ZBTB7C: variants seen among roughly 807,000 people sequenced by gnomAD.
ZBTB7C encodes zinc finger and BTB domain-containing protein 7C.
Under a neutral mutation model 25.7 loss-of-function variants are expected in ZBTB7C, and 8 were observed. The observed-to-expected ratio is 0.31, with a 90% CI of 0.18 to 0.56. The LOEUF is 0.56. Among genes scored for constraint, ZBTB7C ranks in the 20% least tolerant of loss-of-function variants. The probability of loss-of-function intolerance (pLI) is 0.91; values close to 1 mark genes in which losing one functional copy is unlikely to be tolerated. For synonymous variants in ZBTB7C, 394 were observed against 369.0 expected (o/e 1.07, Z -0.78); for missense variants, 824 against 855.2 (o/e 0.96, Z 0.46).
intron 2 of ZBTB7C, among the ~76,000 whole-genome samples, chr18:48,236,538 A>G (rs2043384524): frequency 6.6e-6 from 1 of 152,262 alleles, no homozygotes; most frequent in African/African-American, 2.4e-5. Flanking sequence ...GGAAGACTTC[A>G]TAGAAGAAAT....
intron 2 of ZBTB7C, among the ~76,000 whole-genome samples, chr18:48,291,086 G>T (rs10153403): frequency 1.3e-5 from 2 of 151,982 alleles, no homozygotes; most frequent in Admixed American, 6.6e-5. Flanking sequence ...TTCTGCTTTG[G>T]GGACATCATC....
At chr18:48,108,269 C>T (rs966001847) in intron 3 of ZBTB7C, among the ~76,000 whole-genome samples, 21 of 152,198 alleles carry the variant, frequency 1.4e-4, no homozygotes, top group African/African-American at 5.1e-4. Context: ...GCCCTCTCTT[C>T]TCTATACCAG....
At chr18:48,280,770 C>T (rs1033018833) in intron 2 of ZBTB7C, among the ~76,000 whole-genome samples, 1 of 152,052 alleles carries the variant, frequency 6.6e-6, no homozygotes, top group African/African-American at 2.4e-5. Flanking sequence ...CACTCAGTAG[C>T]CAACTGGTCC....
At chr18:48,221,754 C>T (rs2042965065) in intron 2 of ZBTB7C, among the ~76,000 whole-genome samples, 1 of 151,168 alleles carries the variant, frequency 6.6e-6, no homozygotes, top group Non-Finnish European at 1.5e-5. Context: ...ATATACTGTC[C>T]TTGTCTCCTC....
chr18:48,136,316 T>C (rs1598947618), intron 3 of ZBTB7C, among the ~76,000 whole-genome samples: 2 of 151,844 alleles, frequency 1.3e-5, no homozygotes, highest in African/African-American at 4.8e-5. Context: ...CGGGTGGGAG[T>C]GCTCCCCATC....
At chr18:48,267,641 A>G (rs1211635346) in intron 2 of ZBTB7C, among the ~76,000 whole-genome samples, 2 of 152,294 alleles carry the variant, frequency 1.3e-5, no homozygotes, top group South Asian at 4.1e-4. Flanking sequence ...ACATGTTGAT[A>G]TCCTAACTTC....
At chr18:48,306,777 G>A (rs150207710) in intron 2 of ZBTB7C, among the ~76,000 whole-genome samples, 52 of 152,262 alleles carry the variant, frequency 3.4e-4, no homozygotes, top group Admixed American at 9.2e-4. Context: ...TACCTTTTAC[G>A]TGGTGCTGAC....
At chr18:48,069,214 G>A (rs989147009) in intron 3 of ZBTB7C, among the ~76,000 whole-genome samples, 17 of 152,202 alleles carry the variant, frequency 1.1e-4, no homozygotes, top group African/African-American at 3.9e-4. Context: ...CCCTGTCCAG[G>A]TGTTCCTGTG....
At chr18:48,132,300 G>T (rs1211027775) in intron 3 of ZBTB7C, among the ~76,000 whole-genome samples, 1 of 152,208 alleles carries the variant, frequency 6.6e-6, no homozygotes, top group African/African-American at 2.4e-5. Context: ...TGTTAGGTTA[G>T]TTGAAAGACA....
chr18:48,376,882 G>A (rs2047531830), intron 1 of ZBTB7C, among the ~76,000 whole-genome samples: 1 of 152,224 alleles, frequency 6.6e-6, no homozygotes, highest in African/African-American at 2.4e-5. Flanking sequence ...AGGGCCTTCT[G>A]CCTCTGGTGC....
intron 2 of ZBTB7C, among the ~76,000 whole-genome samples, chr18:48,222,239 T>C (rs1281299031): frequency 1.3e-5 from 2 of 152,138 alleles, no homozygotes; most frequent in Non-Finnish European, 2.9e-5. Flanking sequence ...CTCTTGCCTC[T>C]AGGAAAGCAT....
intron 3 of ZBTB7C, among the ~76,000 whole-genome samples, chr18:48,176,511 T>C (rs896947684): frequency 6.6e-6 from 1 of 152,188 alleles, no homozygotes; most frequent in Admixed American, 6.5e-5. Context: ...GTTAAATGTA[T>C]TGGTCAACCA....
chr18:48,362,873 G>A (rs2047141405), intron 1 of ZBTB7C, among the ~76,000 whole-genome samples: 1 of 152,124 alleles, frequency 6.6e-6, no homozygotes, highest in Non-Finnish European at 1.5e-5. Flanking sequence ...TATTTACCAG[G>A]ACACAACTGA....
At chr18:48,060,230 G>A (rs1391509778) in intron 3 of ZBTB7C, among the ~76,000 whole-genome samples, 5 of 152,132 alleles carry the variant, frequency 3.3e-5, no homozygotes, top group South Asian at 4.2e-4. Context: ...GTGCCAGCAG[G>A]GGAAGCAGAG....
chr18:48,038,190 C>A (rs2036058399), intron 4 of ZBTB7C, among the ~76,000 whole-genome samples: 1 of 152,148 alleles, frequency 6.6e-6, no homozygotes, highest in South Asian at 2.1e-4. Flanking sequence ...GAGCAGGGCG[C>A]CCTGCTGTCA....
intron 3 of ZBTB7C, among the ~76,000 whole-genome samples, chr18:48,158,861 G>A (rs2040916134): frequency 1.3e-5 from 2 of 152,202 alleles, no homozygotes; most frequent in South Asian, 4.1e-4. Flanking sequence ...AATCTGGGGT[G>A]AGCATGAAGC....
chr18:48,313,373 C>T (rs2045868295), intron 2 of ZBTB7C, among the ~76,000 whole-genome samples: 1 of 152,130 alleles, frequency 6.6e-6, no homozygotes, highest in Non-Finnish European at 1.5e-5. Context: ...TCAAGCCTGC[C>T]TGGGAATTAG....
intron 1 of ZBTB7C, among the ~76,000 whole-genome samples, chr18:48,389,603 G>A (rs577344454): frequency 5.8e-4 from 88 of 151,800 alleles, no homozygotes; most frequent in African/African-American, 1.9e-3. Flanking sequence ...GTTCCCCAGG[G>A]TATACTCATA....
intron 3 of ZBTB7C, among the ~76,000 whole-genome samples, chr18:48,100,889 C>G (rs1240249491): frequency 3.0e-5 from 3 of 98,984 alleles, no homozygotes; most frequent in African/African-American, 1.0e-4. Flanking sequence ...GAGGGCCCTG[C>G]CTGTAGGGGC....
Sources: allele counts gnomAD v4.1 joint callset (sites outside exome capture counted in the v4.1 genomes callset), GRCh38; gene constraint gnomAD v4.1.1; transcripts MANE v1.5; gene names NCBI Gene and HGNC (gene_info 2026-07-23, HGNC 2026-07-21).